Variants in CELF2 observed in about 807,000 individuals in gnomAD.
The protein encoded by CELF2 is CUGBP Elav-like family member 2.
In CELF2, 8 loss-of-function variants were observed where a neutral mutation model predicts 62.6. The ratio of observed to expected loss-of-function variants is 0.13; its 90% CI spans 0.07 to 0.23. CELF2 has a LOEUF of 0.23. CELF2 is among the 10% of genes least tolerant of loss of function. CELF2 has a pLI of 1.00. For missense variants in CELF2, 333 were observed against 671.0 expected (o/e 0.50, Z 5.56); for synonymous variants, 258 against 250.0 (o/e 1.03, Z -0.30).
At chr10:11,059,114 A>G (rs1037930830) in intron 1 of CELF2, among the ~76,000 whole-genome samples, 3 of 152,216 alleles carry the variant, frequency 2.0e-5, no homozygotes, top group Non-Finnish European at 4.4e-5. Context: ...AGGAACAGAC[A>G]TGGTTAACAA....
At chr10:11,115,042 G>A (rs185318451) in intron 1 of CELF2, among the ~76,000 whole-genome samples, 1 of 152,332 alleles carries the variant, frequency 6.6e-6, no homozygotes, top group East Asian at 1.9e-4. Flanking sequence ...AATTGAATTT[G>A]AAGAATAAAT....
At chr10:10,601,465 ATGGT>A in the CELF2 span, among the ~76,000 whole-genome samples, 1 of 152,180 alleles carries the variant, frequency 6.6e-6, no homozygotes, top group African/African-American at 2.4e-5. Flanking sequence ...AGCACAAAAC[ATGGT>A]TAAGTGGAAA....
chr10:10,590,141 G>T, the CELF2 span, among the ~76,000 whole-genome samples: 1 of 152,174 alleles, frequency 6.6e-6, no homozygotes, highest in African/African-American at 2.4e-5. Flanking sequence ...TAGCAGGCAT[G>T]TGAGTGCACA....
At chr10:11,188,357 G>A (rs921230216) in intron 2 of CELF2, among the ~76,000 whole-genome samples, 37 of 152,134 alleles carry the variant, frequency 2.4e-4, no homozygotes, top group African/African-American at 5.1e-4. Context: ...TGCCCACCTC[G>A]GCCTCCCAAA....
chr10:10,520,308 A>G, the CELF2 span, among the ~76,000 whole-genome samples: 7 of 152,218 alleles, frequency 4.6e-5, no homozygotes, highest in African/African-American at 1.2e-4. Flanking sequence ...TCAACAAAGG[A>G]TACCACTCAA....
chr10:11,034,604 A>G (rs1190568123), intron 1 of CELF2, among the ~76,000 whole-genome samples: 1 of 152,190 alleles, frequency 6.6e-6, no homozygotes, highest in Non-Finnish European at 1.5e-5. Context: ...GGACTGTAGC[A>G]TCCAGTTAGC....
At position 11,211,994 on chromosome 10, in the gene CELF2, T is replaced by C. The variant is rs546338361; in HGVS notation, c.272-5431T>C. Among the ~76,000 whole-genome samples the C allele has an allele frequency of 2.6e-4, 39 of 152,206 alleles. No homozygotes were observed. The highest frequency in any genetic ancestry group is 1.0e-3 in the South Asian group (5 of 4,820). On this transcript the variant is annotated intron_variant, in intron 2 of 12. Coordinates refer to ENST00000633077, the MANE Select transcript of CELF2 (RefSeq NM_001326342.2). This position sits in a 1 kb window ranked among gnomAD's most constrained non-coding sequence, Gnocchi z 4.8. ...AGCAGAAACTATTAGTGAAAAAATA[T>C]AGCGAGACACCAGCTACCCTGTGTG...
At chr10:10,491,279 A>T in the CELF2 span, among the ~76,000 whole-genome samples, 20 of 152,336 alleles carry the variant, frequency 1.3e-4, 1 homozygote, top group Middle Eastern at 0.01. Flanking sequence ...CTTCATCCAG[A>T]CACACTGAAT....
the CELF2 span, among the ~76,000 whole-genome samples, chr10:10,734,710 C>G: frequency 4.3e-4 from 66 of 152,334 alleles, no homozygotes; most frequent in Middle Eastern, 3.4e-3. Flanking sequence ...AGGCAGCTGT[C>G]TTAATCTATT....
At position 11,318,852 on chromosome 10, in the gene CELF2, C is replaced by T. The variant is rs557659019; in HGVS notation, c.1097-2337C>T. 2.1e-5 allele frequency: 10 copies of T among 471,220 alleles called. No individual in the cohort carries two copies. In the Admixed American group the frequency reaches 2.3e-4, roughly 11 times the overall value. 29.2% of individuals were successfully genotyped at this position (471,220 alleles called of 1,614,324 possible). ...ATCTGGCACTCTGGAGAAGCCGAGTCGTGGAGGCTGCACATCGCAGGAAGG... is the reference window on the plus strand; with the variant it reads ...ATCTGGCACTCTGGAGAAGCCGAGTTGTGGAGGCTGCACATCGCAGGAAGG... On this transcript the variant is annotated intron_variant, in intron 10 of 12. Coordinates refer to ENST00000633077, the MANE Select transcript of CELF2 (RefSeq NM_001326342.2). The surrounding 1 kb of genome is among the most constrained non-coding windows in gnomAD (Gnocchi z 5.4).
the CELF2 span, among the ~76,000 whole-genome samples, chr10:10,755,655 C>T: frequency 6.6e-6 from 1 of 152,190 alleles, no homozygotes; most frequent in Admixed American, 6.5e-5. Context: ...GAACATCTTT[C>T]CTAAAAAGAC....
Position 11,249,282 on chromosome 10 carries a change from G to A in CELF2, c.403+81G>A, listed in dbSNP as rs568745688. ...AAGTCAGTTGGGGGCGGGAGAAGCC[G>A]GCCCAGCTGCTTTTCTCTCTAGAGG... On this transcript the variant is annotated intron_variant, in intron 4 of 12. Coordinates refer to ENST00000633077, the MANE Select transcript of CELF2 (RefSeq NM_001326342.2). 8.9e-5 allele frequency: 101 copies of A among 1,134,610 alleles called. No individual in the cohort carries two copies. The South Asian group carries it at 1.0e-3, about 12-fold the overall frequency. The allele number at this position is 1,134,610 out of a possible 1,614,324, so 70.3% of individuals were successfully genotyped here.
chr10:11,238,208 A>G (rs1447331134), intron 3 of CELF2, among the ~76,000 whole-genome samples: 1 of 152,196 alleles, frequency 6.6e-6, no homozygotes, highest in Non-Finnish European at 1.5e-5. Context: ...ATAAGGGAAG[A>G]TTATTACCTT....
chr10:10,844,350 A>T (rs1226702318), intron 1 of CELF2, among the ~76,000 whole-genome samples: 2 of 152,066 alleles, frequency 1.3e-5, no homozygotes, highest in Non-Finnish European at 2.9e-5. Flanking sequence ...AGTCTGAAAA[A>T]GCTGGAGAAA....
At position 11,165,393 on chromosome 10, in the gene CELF2, C is replaced by T. The variant is rs1342784338; in HGVS notation, c.75-93C>T. 4 of 1,532,272 alleles carry T rather than the reference C, an allele frequency of 2.6e-6. No individual in the cohort carries two copies. Among genetic ancestry groups the T allele is most frequent in the African/African-American group, 1.4e-5 (1 of 72,006 alleles). The allele number at this position is 1,532,272 out of a possible 1,614,324, so 94.9% of individuals were successfully genotyped here. ...TTTGCCACTGCTCTTCTTCCTCCTCCTTCCGCCTCCCCGCTCCCCCACCCC... is the reference window on the plus strand; with the variant it reads ...TTTGCCACTGCTCTTCTTCCTCCTCTTTCCGCCTCCCCGCTCCCCCACCCC... On this transcript the variant is annotated intron_variant, in intron 1 of 12. Transcript: ENST00000633077. This position sits in a 1 kb window ranked among gnomAD's most constrained non-coding sequence, Gnocchi z 7.4.
the CELF2 span, among the ~76,000 whole-genome samples, chr10:10,789,993 A>G: frequency 6.6e-6 from 1 of 152,106 alleles, no homozygotes; most frequent in Non-Finnish European, 1.5e-5. Context: ...GCAAGAAATG[A>G]AATTATCAAG....
At chr10:11,124,421 A>C (rs1222030066) in intron 1 of CELF2, among the ~76,000 whole-genome samples, 3 of 152,202 alleles carry the variant, frequency 2.0e-5, no homozygotes, top group Non-Finnish European at 4.4e-5. Flanking sequence ...AAAGATGGAA[A>C]TGGGATGGGA....
the CELF2 span, among the ~76,000 whole-genome samples, chr10:10,760,623 C>A: frequency 6.6e-6 from 1 of 152,100 alleles, no homozygotes; most frequent in African/African-American, 2.4e-5. Flanking sequence ...GGAGATCAGC[C>A]TGCAATGAGG....
chr10:10,750,553 G>A, the CELF2 span, among the ~76,000 whole-genome samples: 1 of 152,204 alleles, frequency 6.6e-6, no homozygotes, highest in Non-Finnish European at 1.5e-5. Context: ...AATTCACATT[G>A]GATTAATTTG....
Sources: allele counts gnomAD v4.1 joint callset (sites outside exome capture counted in the v4.1 genomes callset), GRCh38; gene constraint gnomAD v4.1.1; non-coding constraint Gnocchi (gnomAD v3.1); transcripts MANE v1.5; gene names NCBI Gene and HGNC (gene_info 2026-07-23, HGNC 2026-07-21).